CADPS: variants seen among roughly 807,000 people sequenced by gnomAD.
The protein encoded by CADPS is calcium dependent secretion activator.
In CADPS, 57 loss-of-function variants were observed where a neutral mutation model predicts 167.3. The ratio of observed to expected loss-of-function variants is 0.34; its 90% CI spans 0.28 to 0.42. The LOEUF is 0.42. Ranked by LOEUF, CADPS falls within the 20% of genes least tolerant of loss-of-function variation. The pLI, the probability that CADPS is intolerant of heterozygous loss-of-function variation, is 1.00. For synonymous variants in CADPS, 676 were observed against 635.3 expected (o/e 1.06, Z -0.96); for missense variants, 1,414 against 1,738.1 (o/e 0.81, Z 3.32).
chr3:62,631,342 G>A (rs1476755729), intron 6 of CADPS, among the ~76,000 whole-genome samples: 1 of 152,080 alleles, frequency 6.6e-6, no homozygotes, highest in African/African-American at 2.4e-5. Context: ...CCTGATCACG[G>A]ATGGATTTTT....
At chr3:62,598,392 T>C (rs180926384) in intron 6 of CADPS, among the ~76,000 whole-genome samples, 1 of 152,322 alleles carries the variant, frequency 6.6e-6, no homozygotes, top group African/African-American at 2.4e-5. Context: ...CTTCCTACTC[T>C]TAGTAGAATC....
chr3:62,492,503 C>T (rs1341718495), intron 19 of CADPS, 57 bp from the exon 20 acceptor site: 19 of 1,536,764 alleles, frequency 1.2e-5, no homozygotes, highest in Non-Finnish European at 1.6e-5. Flanking sequence ...CTTTCTCGGA[C>T]ATAAGACGTG....
At chr3:62,561,410 G>A (rs1295559311) in intron 9 of CADPS, among the ~76,000 whole-genome samples, 1 of 151,478 alleles carries the variant, frequency 6.6e-6, no homozygotes, top group East Asian at 1.9e-4. Flanking sequence ...GTACCACCAT[G>A]CCTGGCTATT....
At chr3:62,461,250 C>T (rs2059314138) in intron 26 of CADPS, among the ~76,000 whole-genome samples, 1 of 152,224 alleles carries the variant, frequency 6.6e-6, no homozygotes, top group Non-Finnish European at 1.5e-5. Context: ...GGAATAGGAG[C>T]TGTAGCTCTT....
intron 8 of CADPS, among the ~76,000 whole-genome samples, chr3:62,574,749 G>A (rs1191461551): frequency 6.6e-6 from 1 of 152,188 alleles, no homozygotes; most frequent in East Asian, 1.9e-4. Context: ...TGCTCTGTAA[G>A]ACAGGTCAGT....
At chr3:62,752,206 C>T (rs2082864180) in intron 3 of CADPS, among the ~76,000 whole-genome samples, 1 of 152,144 alleles carries the variant, frequency 6.6e-6, no homozygotes, top group Admixed American at 6.5e-5. Context: ...CATTCTAAAA[C>T]TGCTACATGG....
chr3:62,838,565 CA>C (rs141044293), intron 1 of CADPS, among the ~76,000 whole-genome samples: 3,574 of 152,184 alleles, frequency 0.023, 153 homozygotes, highest in African/African-American at 0.082. Flanking sequence ...TCTAGATTTT[CA>C]AAAGGGTTAA....
At position 62,481,835 on chromosome 3, in the gene CADPS, G is replaced by A; in HGVS notation, c.3061C>T (p.Pro1021Ser). 6.2e-7 allele frequency: 1 copy of A among 1,611,640 alleles called. No homozygotes were observed. Among genetic ancestry groups the A allele is most frequent in the African/African-American group, 1.3e-5 (1 of 74,928 alleles). Residue 1021 changes from proline to serine, a missense_variant, in exon 22 of 30, where the codon CCC (proline) becomes TCC (serine). Transcript: ENST00000383710. ...LTSNLPNVNL[P>S]NVNLPKVPNL... Reference sequence around the variant, plus strand: ...GGTACTTTGGGAAGGTTCACATTGGGTAGGTTCACATTGGGTAGGTTACTG... The same window carrying A: ...GGTACTTTGGGAAGGTTCACATTGGATAGGTTCACATTGGGTAGGTTACTG...
At chr3:62,787,251 C>T (rs997456160) in intron 1 of CADPS, among the ~76,000 whole-genome samples, 4 of 151,830 alleles carry the variant, frequency 2.6e-5, no homozygotes, top group African/African-American at 9.7e-5. Flanking sequence ...GCCAAGATCG[C>T]ACCACTGCAC....
rs570466748 is a variant in CADPS, at chr3:62,438,361, T to C, written c.3670-150A>G. 7.5e-4 allele frequency: 454 copies of C among 606,040 alleles called. 1 individual carries two copies. The highest frequency in any genetic ancestry group is 7.4e-3 in the African/African-American group (396 of 53,822). The allele number at this position is 606,040 out of a possible 1,614,324, so 37.5% of individuals were successfully genotyped here. A position where few individuals can be genotyped will look rare whatever the true frequency, so the allele number is the denominator to read the frequency against. On this transcript the variant is annotated intron_variant, in intron 27 of 29. Transcript: ENST00000383710. The surrounding 1 kb of genome is among the most constrained non-coding windows in gnomAD (Gnocchi z 4.7). ...AGGCATGGGATTGCTGTCCACAGCC[T>C]GGGCTGGTAGGAATTGATATTAGAA...
At chr3:62,679,677 C>A (rs1041652411) in intron 3 of CADPS, among the ~76,000 whole-genome samples, 1 of 152,040 alleles carries the variant, frequency 6.6e-6, no homozygotes. Context: ...CTTTCCCCGT[C>A]AGCACTGCCC....
At chr3:62,473,522 A>G (rs2060878478) in intron 24 of CADPS, among the ~76,000 whole-genome samples, 1 of 152,216 alleles carries the variant, frequency 6.6e-6, no homozygotes, top group South Asian at 2.1e-4. Flanking sequence ...AGGCCATCAG[A>G]GAAAAATGAT....
chr3:62,492,154 T>TG, intron 20 of CADPS, 136 bp downstream of exon 20: 2 of 733,216 alleles, frequency 2.7e-6, no homozygotes. Context: ...TGTTTCTTTT[T>TG]GGGGGGTGGG....
intron 8 of CADPS, among the ~76,000 whole-genome samples, chr3:62,571,612 G>A (rs1039621454): frequency 4.0e-5 from 6 of 150,606 alleles, no homozygotes; most frequent in African/African-American, 7.3e-5. Context: ...TTGCCCAGGC[G>A]GGAGTGCAAT....
intron 6 of CADPS, among the ~76,000 whole-genome samples, chr3:62,614,411 C>G (rs1308412822): frequency 6.6e-6 from 1 of 152,132 alleles, no homozygotes; most frequent in East Asian, 1.9e-4. Context: ...AGTCAATGAT[C>G]CTTGTTGAGC....
chr3:62,671,157 T>G (rs1009756327), intron 3 of CADPS, among the ~76,000 whole-genome samples: 3 of 152,196 alleles, frequency 2.0e-5, no homozygotes, highest in African/African-American at 4.8e-5. Context: ...CGAAAGAAGA[T>G]GGTACTCATA....
intron 7 of CADPS, among the ~76,000 whole-genome samples, chr3:62,590,645 A>G (rs1241380424): frequency 5.9e-5 from 9 of 151,866 alleles, no homozygotes; most frequent in Non-Finnish European, 1.2e-4. Flanking sequence ...TGGGTGAAAG[A>G]AAGGAAGAAA....
chr3:62,658,352 G>A (rs2072262095), intron 4 of CADPS, among the ~76,000 whole-genome samples: 1 of 152,100 alleles, frequency 6.6e-6, no homozygotes, highest in Admixed American at 6.6e-5. Context: ...TTCAGGATGA[G>A]GCAAGGTAAA....
rs1471034120 is a variant in CADPS, at chr3:62,592,495, A to G, written c.1437+142T>C. On this transcript the variant is annotated intron_variant, in intron 7 of 29. Transcript: ENST00000383710. ...GAACTTGCTTAAGGTCACCCAGCCA[A>G]TGTAGAGTGGAGTCCAGGACTTAAT... is the stretch of plus-strand genomic sequence containing the variant. 14 of 629,016 alleles carry G rather than the reference A, an allele frequency of 2.2e-5. No individual in the cohort carries two copies. The East Asian group carries it at 3.5e-4, about 16-fold the overall frequency. 39.0% of individuals were successfully genotyped at this position (629,016 alleles called of 1,614,324 possible). A position where few individuals can be genotyped will look rare whatever the true frequency, so the allele number is the denominator to read the frequency against.
Sources: gnomAD v4.1 joint callset for allele counts (sites outside exome capture counted in the v4.1 genomes callset) on GRCh38, gnomAD v4.1.1 for gene constraint, Gnocchi (gnomAD v3.1) non-coding constraint, MANE v1.5 for transcripts, NCBI Gene and HGNC (gene_info 2026-07-23, HGNC 2026-07-21) for gene names.